The following CACNA2D3 variants were observed in gnomAD, a reference collection of about 807,000 sequenced individuals.
The protein encoded by CACNA2D3 is voltage-dependent calcium channel subunit alpha-2/delta-3.
CACNA2D3 carries 60 observed loss-of-function variants against 160.6 expected under a neutral mutation model. The ratio of observed to expected loss-of-function variants is 0.37; its 90% CI spans 0.30 to 0.46. The LOEUF (loss-of-function observed/expected upper bound fraction) is 0.46, where lower values mean the gene tolerates loss of function less well. CACNA2D3 is among the 20% of genes least tolerant of loss of function. The pLI is 1.00. For missense variants in CACNA2D3, 1,205 were observed against 1,365.0 expected (o/e 0.88, Z 1.85); for synonymous variants, 558 against 492.9 (o/e 1.13, Z -1.75).
At chr3:54,769,333 C>G (rs1055406745) in intron 13 of CACNA2D3, among the ~76,000 whole-genome samples, 1 of 152,094 alleles carries the variant, frequency 6.6e-6, no homozygotes, top group South Asian at 2.1e-4. Flanking sequence ...CTAGACTCCA[C>G]GAGCACTTGG....
At chr3:54,935,312 A>G (rs952512112) in intron 27 of CACNA2D3, among the ~76,000 whole-genome samples, 20 of 152,130 alleles carry the variant, frequency 1.3e-4, no homozygotes, top group African/African-American at 3.4e-4. Flanking sequence ...TATCTTCCCA[A>G]TGTCAGCCTT....
intron 25 of CACNA2D3, among the ~76,000 whole-genome samples, chr3:54,891,703 G>A (rs1042045657): frequency 2.6e-5 from 4 of 152,092 alleles, no homozygotes; most frequent in Admixed American, 6.5e-5. Context: ...GTCCTCTCCC[G>A]CCCTGATGAG....
chr3:54,533,038 C>G (rs190731661), intron 5 of CACNA2D3, among the ~76,000 whole-genome samples: 1 of 152,236 alleles, frequency 6.6e-6, no homozygotes, highest in Non-Finnish European at 1.5e-5. Flanking sequence ...ATTTGCATTT[C>G]TCTCATGATT....
chr3:54,462,333 G>A (rs1246443639), intron 4 of CACNA2D3, among the ~76,000 whole-genome samples: 1 of 152,104 alleles, frequency 6.6e-6, no homozygotes, highest in Admixed American at 6.6e-5. Context: ...GTGTATCCTT[G>A]TTAACTTTGT....
intron 34 of CACNA2D3, 135 bp downstream of exon 34, chr3:55,009,578 A>G: frequency 3.8e-6 from 3 of 798,886 alleles, no homozygotes; most frequent in Non-Finnish European, 6.3e-6. Context: ...TCTGTCAGCA[A>G]AAAGCCAGCC....
chr3:54,522,927 T>TA (rs1444475537), intron 5 of CACNA2D3, among the ~76,000 whole-genome samples: 7 of 141,230 alleles, frequency 5.0e-5, no homozygotes, highest in Non-Finnish European at 1.1e-4. Context: ...TTTATTTATT[T>TA]ATTTATTTAC....
intron 11 of CACNA2D3, among the ~76,000 whole-genome samples, chr3:54,727,550 A>G (rs928773372): frequency 1.3e-5 from 2 of 152,230 alleles, no homozygotes; most frequent in African/African-American, 4.8e-5. Flanking sequence ...AATGTGGCAC[A>G]TATACACCAT....
chr3:54,766,289 T>C (rs1820616), intron 13 of CACNA2D3, among the ~76,000 whole-genome samples: 141,192 of 152,218 alleles, frequency 0.93, 65,763 homozygotes, highest in Non-Finnish European at 0.94. Context: ...GAGGAGAAAC[T>C]CCCAAAATTG....
intron 11 of CACNA2D3, among the ~76,000 whole-genome samples, chr3:54,728,629 A>G (rs1701322516): frequency 6.6e-6 from 1 of 152,168 alleles, no homozygotes; most frequent in South Asian, 2.1e-4. Context: ...TATATGAAAA[A>G]TTGTTGAGGC....
At chr3:54,992,239 T>A (rs1702758620) in intron 31 of CACNA2D3, among the ~76,000 whole-genome samples, 9 of 152,192 alleles carry the variant, frequency 5.9e-5, no homozygotes, top group Admixed American at 5.9e-4. Context: ...ATGGTAGCAG[T>A]CTAGCTACTA....
At chr3:55,067,843 A>T (rs1256575533) in intron 35 of CACNA2D3, among the ~76,000 whole-genome samples, 1 of 152,224 alleles carries the variant, frequency 6.6e-6, no homozygotes. Flanking sequence ...CAGGCAAGTA[A>T]TCCTAGAGGT....
intron 4 of CACNA2D3, among the ~76,000 whole-genome samples, chr3:54,492,782 T>C (rs867477995): frequency 1.5e-4 from 23 of 152,170 alleles, no homozygotes; most frequent in Non-Finnish European, 1.0e-4. Context: ...TTTCCCAAAC[T>C]TTGTTCATTG....
chr3:54,931,985 A>T (rs988705788), intron 27 of CACNA2D3, among the ~76,000 whole-genome samples: 23 of 152,086 alleles, frequency 1.5e-4, no homozygotes, highest in Admixed American at 1.4e-3. Context: ...GTTCAAAGCC[A>T]ACCCAGGCAA....
intron 25 of CACNA2D3, among the ~76,000 whole-genome samples, chr3:54,892,598 A>T (rs1406940150): frequency 6.6e-6 from 1 of 152,116 alleles, no homozygotes; most frequent in Non-Finnish European, 1.5e-5. Context: ...ATTTTTAACG[A>T]CTTTTTTAAG....
At chr3:54,931,364 AG>A (rs558048856) in intron 27 of CACNA2D3, among the ~76,000 whole-genome samples, 205 of 152,314 alleles carry the variant, frequency 1.3e-3, no homozygotes, top group African/African-American at 4.6e-3. Flanking sequence ...TTGGATGTGG[AG>A]GCTGATTGAT....
chr3:54,731,207 AT>A (rs746963636), intron 11 of CACNA2D3, among the ~76,000 whole-genome samples: 4 of 152,098 alleles, frequency 2.6e-5, no homozygotes, highest in African/African-American at 7.3e-5. Context: ...CTTTTTTCAA[AT>A]TCTCAGACTC....
At chr3:54,855,070 G>A (rs1200195743) in intron 17 of CACNA2D3, among the ~76,000 whole-genome samples, 1 of 152,182 alleles carries the variant, frequency 6.6e-6, no homozygotes, top group East Asian at 1.9e-4. Context: ...GGGCTGCAGA[G>A]CCTCTGTCAG....
intron 11 of CACNA2D3, among the ~76,000 whole-genome samples, chr3:54,741,313 C>T (rs1321770561): frequency 6.6e-6 from 1 of 152,198 alleles, no homozygotes; most frequent in Admixed American, 6.5e-5. Flanking sequence ...TGGAGATCTC[C>T]TCTTAGAAGA....
chr3:54,198,311 C>G (rs1157076821), intron 2 of CACNA2D3, among the ~76,000 whole-genome samples: 1 of 152,230 alleles, frequency 6.6e-6, no homozygotes, highest in Non-Finnish European at 1.5e-5. Flanking sequence ...TGTGTGCCAA[C>G]TTGGGCTTTC....
Sources: gnomAD v4.1 joint callset for allele counts (sites outside exome capture counted in the v4.1 genomes callset) on GRCh38, gnomAD v4.1.1 for gene constraint, MANE v1.5 for transcripts, NCBI Gene and HGNC (gene_info 2026-07-23, HGNC 2026-07-21) for gene names.